The following IL17RD variants were observed in gnomAD, a reference collection of about 807,000 sequenced individuals.
IL17RD encodes interleukin 17 receptor D.
IL17RD carries 52 observed loss-of-function variants against 80.5 expected under a neutral mutation model. The observed-to-expected ratio is 0.65, with a 90% CI of 0.52 to 0.81. The LOEUF (loss-of-function observed/expected upper bound fraction) is 0.81, where lower values mean the gene tolerates loss of function less well. IL17RD is among the 40% of genes least tolerant of loss of function. The probability of loss-of-function intolerance (pLI) is 0.00; values close to 1 mark genes in which losing one functional copy is unlikely to be tolerated. For synonymous variants in IL17RD, 416 were observed against 391.8 expected (o/e 1.06, Z -0.73); for missense variants, 1,024 against 955.1 (o/e 1.07, Z -0.95).
intron 1 of IL17RD, among the ~76,000 whole-genome samples, chr3:57,154,249 A>C: frequency 7.3e-6 from 1 of 136,284 alleles, no homozygotes; most frequent in East Asian, 2.1e-4. Flanking sequence ...ACCTTGTCTC[A>C]AAAAAAAAAA....
chr3:57,147,379 A>G (rs1046101748), intron 1 of IL17RD, among the ~76,000 whole-genome samples: 3 of 152,214 alleles, frequency 2.0e-5, no homozygotes, highest in African/African-American at 7.2e-5. Context: ...ATGGTAGCAA[A>G]TGGTGGAGCT....
intron 1 of IL17RD, among the ~76,000 whole-genome samples, chr3:57,138,621 T>C (rs992177308): frequency 1.1e-4 from 17 of 152,198 alleles, no homozygotes; most frequent in African/African-American, 4.1e-4. Flanking sequence ...AGTCGGAAGA[T>C]AGTGATTTTA....
chr3:57,114,632 C>G (rs949085258), intron 3 of IL17RD, 60 bp downstream of exon 3: 31 of 1,509,068 alleles, frequency 2.1e-5, no homozygotes, highest in Non-Finnish European at 2.7e-5. Context: ...CATGTGGGAC[C>G]TTTGCACTGG....
intron 1 of IL17RD, among the ~76,000 whole-genome samples, chr3:57,162,365 C>G (rs1346831300): frequency 1.3e-5 from 2 of 152,156 alleles, no homozygotes; most frequent in Admixed American, 1.3e-4. Context: ...TATAGTCGAC[C>G]CTTATCCTTT....
intron 1 of IL17RD, among the ~76,000 whole-genome samples, chr3:57,154,988 T>C (rs1262837193): frequency 6.6e-6 from 1 of 152,074 alleles, no homozygotes; most frequent in African/African-American, 2.4e-5. Flanking sequence ...ATCAGAAATA[T>C]CTAGTTCCTC....
At chr3:57,101,404 C>A in intron 10 of IL17RD, 41 bp from the exon 11 acceptor site, 1 of 1,324,514 alleles carries the variant, frequency 7.5e-7, no homozygotes, top group Non-Finnish European at 1.1e-6. Flanking sequence ...TTGCAAGCAA[C>A]GCTTTGTTCT....
intron 1 of IL17RD, among the ~76,000 whole-genome samples, chr3:57,151,711 C>T (rs58652275): frequency 6.6e-6 from 1 of 152,096 alleles, no homozygotes; most frequent in Non-Finnish European, 1.5e-5. Context: ...AGCAACATCC[C>T]TGAGCCCTTC....
chr3:57,101,155 G>A (rs1178044878), intron 11 of IL17RD, 24 bp downstream of exon 11: 2 of 1,604,818 alleles, frequency 1.2e-6, no homozygotes, highest in Non-Finnish European at 8.5e-7. Context: ...GCCAGGGTAG[G>A]AGAAGGAACT....
At chr3:57,108,579 G>A (rs1291528473) in intron 5 of IL17RD, among the ~76,000 whole-genome samples, 3 of 120,962 alleles carry the variant, frequency 2.5e-5, no homozygotes, top group African/African-American at 9.7e-5. Flanking sequence ...ACAGTGGCTT[G>A]ATCTCAGCTC....
At chr3:57,105,536 C>CAAAAAAAAAAAAAAAAAAAAA (rs745910085) in intron 7 of IL17RD, among the ~76,000 whole-genome samples, 4 of 35,608 alleles carry the variant, frequency 1.1e-4, no homozygotes, top group African/African-American at 2.0e-4. Flanking sequence ...GACTCCATCT[C>CAAAAAAAAAAAAAAAAAAAAA]AAAAAAAAAA....
intron 1 of IL17RD, among the ~76,000 whole-genome samples, chr3:57,143,015 G>A (rs904957220): frequency 7.2e-5 from 11 of 151,992 alleles, no homozygotes; most frequent in Non-Finnish European, 1.2e-4. Flanking sequence ...TGTTTCAAAC[G>A]GAGCATAAAT....
chr3:57,139,660 G>A (rs1196627857), intron 1 of IL17RD, among the ~76,000 whole-genome samples: 1 of 151,830 alleles, frequency 6.6e-6, no homozygotes, highest in Non-Finnish European at 1.5e-5. Context: ...GTACAGGCAC[G>A]TGCCACCACG....
intron 1 of IL17RD, among the ~76,000 whole-genome samples, chr3:57,163,785 CGG>C (rs57632395): frequency 0.091 from 1,458 of 15,956 alleles, 146 homozygotes; most frequent in African/African-American, 0.23. Context: ...CCTAATGGGG[CGG>C]GGGGGCGGGG....
At chr3:57,139,589 A>T (rs1451266184) in intron 1 of IL17RD, among the ~76,000 whole-genome samples, 1 of 151,144 alleles carries the variant, frequency 6.6e-6, no homozygotes, top group African/African-American at 2.4e-5. Context: ...TCTCAGCTCA[A>T]TGCAGCCTCT....
At chr3:57,127,971 C>G (rs1024311236) in intron 1 of IL17RD, among the ~76,000 whole-genome samples, 1 of 152,178 alleles carries the variant, frequency 6.6e-6, no homozygotes, top group Non-Finnish European at 1.5e-5. Context: ...AGAGAAGCCC[C>G]AGGTGATGTA....
rs1372714147 is a variant in IL17RD at position 57,096,489 on chromosome 3, AG to A, written c.2123del (p.Pro708LeufsTer64). The A allele has an allele frequency of 6.2e-7, 1 of 1,612,690 alleles. No individual in the cohort carries two copies. The highest frequency in any genetic ancestry group is 8.5e-7 in the Non-Finnish European group (1 of 1,178,634). On this transcript the variant is annotated frameshift_variant, in exon 13 of 13. Transcript: ENST00000296318. LOFTEE classifies it high-confidence loss of function. ...AAGAGAGGAGCTTGGAAGGAAGGGC[AG>A]GAGGTTCCTCCTCACCTAAGGAGAG... is the stretch of plus-strand genomic sequence containing the variant. ...SSSGLGEEEP[P>X]ALPSKLLSSG...
At chr3:57,154,283 T>TATATACACACACACACACACACACAC (rs904157398) in intron 1 of IL17RD, among the ~76,000 whole-genome samples, 52 of 112,886 alleles carry the variant, frequency 4.6e-4, no homozygotes, top group African/African-American at 1.5e-3. Flanking sequence ...TATATATATA[T>TATATACACACACACACACACACACAC]ACACACACAC....
chr3:57,145,451 A>C (rs935528614), intron 1 of IL17RD, among the ~76,000 whole-genome samples: 1 of 152,236 alleles, frequency 6.6e-6, no homozygotes, highest in Admixed American at 6.5e-5. Flanking sequence ...AAAAGTGACC[A>C]GCAGAGCCGA....
chr3:57,111,567 C>T (rs2107485626), intron 3 of IL17RD, among the ~76,000 whole-genome samples: 1 of 152,188 alleles, frequency 6.6e-6, no homozygotes, highest in South Asian at 2.1e-4. Flanking sequence ...AAAACAAATC[C>T]TTAGTATTAA....
Sources: gnomAD v4.1 joint callset for allele counts (sites outside exome capture counted in the v4.1 genomes callset) on GRCh38, gnomAD v4.1.1 for gene constraint, MANE v1.5 for transcripts, NCBI Gene and HGNC (gene_info 2026-07-23, HGNC 2026-07-21) for gene names.